ERCC5: variants seen among roughly 807,000 people sequenced by gnomAD.
The protein encoded by ERCC5 is ERCC excision repair 5, endonuclease, also known as DNA excision repair protein ERCC-5.
ERCC5 carries 68 observed loss-of-function variants against 105.6 expected under a neutral mutation model. That is an observed-to-expected ratio of 0.64 (90% CI 0.53 to 0.79). The LOEUF (loss-of-function observed/expected upper bound fraction) is 0.79. ERCC5 is among the 30% of genes least tolerant of loss of function. The pLI is 0.00. For synonymous variants in ERCC5, 546 were observed against 526.2 expected (o/e 1.04, Z -0.51); for missense variants, 1,373 against 1,426.7 (o/e 0.96, Z 0.61).
intron 1 of ERCC5, among the ~76,000 whole-genome samples, chr13:102,850,567 C>T (rs1231721117): frequency 6.6e-6 from 1 of 152,024 alleles, no homozygotes; most frequent in East Asian, 1.9e-4. Flanking sequence ...TATATACCTT[C>T]AAGATACATT....
intron 8 of ERCC5, chr13:102,864,995 C>T (rs1467497928): frequency 1.3e-5 from 2 of 153,958 alleles, no homozygotes; most frequent in Non-Finnish European, 2.9e-5. Flanking sequence ...CTTATTCTCC[C>T]TGGATATGTA....
chr13:102,873,794 G>A (rs1462147940), intron 14 of ERCC5, among the ~76,000 whole-genome samples: 11 of 152,060 alleles, frequency 7.2e-5, no homozygotes, highest in African/African-American at 2.4e-4. Flanking sequence ...GGTTTTTGTG[G>A]GAAGGAGCCC....
chr13:102,855,937 C>G (rs982930229), intron 4 of ERCC5, 115 bp from the exon 5 acceptor site: 1 of 1,002,830 alleles, frequency 1.0e-6, no homozygotes, highest in Non-Finnish European at 1.6e-6. Context: ...TGGCACAGAT[C>G]TTGCTGTTTT....
chr13:102,852,674 C>T (rs1882251258), intron 2 of ERCC5, among the ~76,000 whole-genome samples: 1 of 152,178 alleles, frequency 6.6e-6, no homozygotes, highest in African/African-American at 2.4e-5. Context: ...CAAGTATCCT[C>T]CGTGATAGCA....
At position 102,853,609 on chromosome 13, in the gene ERCC5, A is replaced by G. The variant is rs186869080; in HGVS notation, c.265-148A>G. ...CTTTACGTAGCAGCAACCTGAAGAT[A>G]TACACTGATATGGCAATTAGGAGGA... On this transcript the variant is annotated intron_variant, in intron 2 of 14. Coordinates refer to ENST00000652225, the MANE Select transcript of ERCC5 (RefSeq NM_000123.4). 2.3e-5 allele frequency: 17 copies of G among 749,072 alleles called. No homozygotes were observed. The African/African-American group carries it at 3.0e-4, about 13-fold the overall frequency. 46.4% of individuals were successfully genotyped at this position (749,072 alleles called of 1,614,324 possible). A position where few individuals can be genotyped will look rare whatever the true frequency, so the allele number is the denominator to read the frequency against.
chr13:102,860,880 T>G (rs191317888), intron 6 of ERCC5, among the ~76,000 whole-genome samples: 2 of 152,336 alleles, frequency 1.3e-5, no homozygotes, highest in Admixed American at 1.3e-4. Flanking sequence ...TTTACCTACA[T>G]TCTAGAAGAT....
At chr13:102,866,018 C>G in intron 9 of ERCC5, 107 bp downstream of exon 9, 1 of 1,596,648 alleles carries the variant, frequency 6.3e-7, no homozygotes, top group Non-Finnish European at 8.6e-7. Flanking sequence ...ATTTGCAGTA[C>G]ATCTTGTGGT....
At position 102,865,751 on chromosome 13, in the gene ERCC5, A is replaced by G. The variant is rs4987168; in HGVS notation, c.2039A>G (p.Gln680Arg). Residue 680 changes from glutamine (Q) to arginine (R), a missense_variant, in exon 9 of 15, where the codon CAA becomes CGA. Coordinates refer to ENST00000652225, the MANE Select transcript of ERCC5 (RefSeq NM_000123.4). This position sits in a 1 kb window ranked among gnomAD's most constrained non-coding sequence, Gnocchi z 4.0. ...GAAACTTCCAAACCTCCCTCAGAAC[A>G]AGGCGAAGAGGAACTGGTAGGAACT... is the stretch of plus-strand genomic sequence containing the variant. ...FPETSKPPSE[Q>R]GEEELVGTRE... is the part of the protein sequence containing the mutation. 46 of 1,614,080 alleles carry G rather than the reference A, an allele frequency of 2.8e-5. No homozygotes were observed. The African/African-American group carries it at 6.0e-4, about 21-fold the overall frequency.
chr13:102,873,253 A>G lies in ERCC5; in HGVS notation c.2880-6A>G. 6.2e-7 allele frequency: 1 copy of G among 1,614,122 alleles called. No individual in the cohort carries two copies. The highest frequency in any genetic ancestry group is 8.5e-7 in the Non-Finnish European group (1 of 1,180,002). Reference sequence around the variant, plus strand: ...CAAAATATTTATAAGTCTTAACTGCATGCATATTTTGTCAGCGGTATTTCG... The same window carrying G: ...CAAAATATTTATAAGTCTTAACTGCGTGCATATTTTGTCAGCGGTATTTCG... On this transcript the variant is annotated splice_polypyrimidine_tract_variant and splice_region_variant and intron_variant, in intron 13 of 14. Transcript: ENST00000652225.
rs1882659409 is a variant in ERCC5, at chr13:102,862,338, G to A, written c.1189G>A (p.Asp397Asn). The A allele has an allele frequency of 2.5e-6, 4 of 1,614,134 alleles. No homozygotes were observed. Among genetic ancestry groups the A allele is most frequent in the African/African-American group, 2.7e-5 (2 of 75,018 alleles). Residue 397 changes from aspartate (D) to asparagine (N), a missense_variant, in exon 8 of 15, where the codon GAT becomes AAT. Asp to Asn is a conservative substitution (Grantham distance 23). Around this residue, in one of 3 missense-constraint regions of ERCC5, gnomAD observed 1,004 missense variants for 1,059.7 expected, o/e 0.95. Coordinates refer to ENST00000652225, the MANE Select transcript of ERCC5 (RefSeq NM_000123.4). Reference sequence around the variant, plus strand: ...TTCAGCCATTAAGAGAGCTCTTGACGATGACGAAGATGTAAAAGTGTGTGC... The same window carrying A: ...TTCAGCCATTAAGAGAGCTCTTGACAATGACGAAGATGTAAAAGTGTGTGC... ...TLSAIKRALD[D>N]DEDVKVCAGD...
In ERCC5 at chr13:102,854,012, AT is replaced by A. The variant is rs5806326; in HGVS notation, c.380+144del. On this transcript the variant is annotated intron_variant, in intron 3 of 14. Transcript: ENST00000652225. ...AGTGAAATGAGACAAGTAGGCTGCCATTTTGACCTGGTAATTTGGAGTTGTG... is the reference window on the plus strand; with the variant it reads ...AGTGAAATGAGACAAGTAGGCTGCCATTTGACCTGGTAATTTGGAGTTGTG... 829,767 of 830,390 alleles carry A rather than the reference AT, an allele frequency of 1. 414,573 individuals carry two copies. The highest frequency in any genetic ancestry group is 1 in the Middle Eastern group (2,818 of 2,818). The allele number at this position is 830,390 out of a possible 1,614,324, so 51.4% of individuals were successfully genotyped here. A position where few individuals can be genotyped will look rare whatever the true frequency, so the allele number is the denominator to read the frequency against.
intron 10 of ERCC5, 84 bp from the exon 11 acceptor site, chr13:102,866,548 T>A: frequency 6.2e-7 from 1 of 1,600,292 alleles, no homozygotes; most frequent in Non-Finnish European, 8.5e-7. Flanking sequence ...ATGCATTACA[T>A]GAAGTGGTAG....
At chr13:102,868,295 A>G in intron 12 of ERCC5, 38 bp downstream of exon 12, 1 of 1,613,050 alleles carries the variant, frequency 6.2e-7, no homozygotes, top group Non-Finnish European at 8.5e-7. Flanking sequence ...ATAATTGTGT[A>G]AATACCCAAA....
intron 2 of ERCC5, among the ~76,000 whole-genome samples, chr13:102,852,938 G>T (rs910778744): frequency 2.0e-5 from 3 of 152,048 alleles, no homozygotes; most frequent in Non-Finnish European, 4.4e-5. Flanking sequence ...ATAAAATAAT[G>T]TTTAAACAGT....
In ERCC5 at chr13:102,865,938, T is replaced by C. The variant is rs775824426; in HGVS notation, c.2199+27T>C. On this transcript the variant is annotated intron_variant, in intron 9 of 14. Transcript: ENST00000652225. This position sits in a 1 kb window ranked among gnomAD's most constrained non-coding sequence, Gnocchi z 4.0. ...TAATACCGTAACATTGTGTTTCGAC[T>C]TCTTGCTGAGGAAGCCAGGTTAAGT... 2.5e-6 allele frequency: 4 copies of C among 1,613,966 alleles called. No individual in the cohort carries two copies. The highest frequency in any genetic ancestry group is 3.4e-6 in the Non-Finnish European group (4 of 1,180,028).
rs777750400 is a variant in ERCC5 at position 102,866,259 on chromosome 13, T to C, written c.2200-3T>C. 1.2e-6 allele frequency: 2 copies of C among 1,614,136 alleles called. No individual in the cohort carries two copies. The highest frequency in any genetic ancestry group is 1.7e-5 in the Admixed American group (1 of 60,016). On this transcript the variant is annotated splice_polypyrimidine_tract_variant and splice_region_variant and intron_variant, in intron 9 of 14. Coordinates refer to ENST00000652225, the MANE Select transcript of ERCC5 (RefSeq NM_000123.4). ...AATCTATAAATGAAAAAACATTTTA[T>C]AGGAGGAGTTGGAAACTCTGGAGAG...
rs1882619379 is a variant in ERCC5, at chr13:102,861,582, GTCCAAAAGGA to G, written c.749_758del (p.Val250GlufsTer2). 2.5e-6 allele frequency: 4 copies of G among 1,614,148 alleles called. No individual in the cohort carries two copies. The highest frequency in any genetic ancestry group is 3.4e-6 in the Non-Finnish European group (4 of 1,180,024). Reference sequence around the variant, plus strand: ...CTATCTGAACCAGCATATAGAACATGTCCAAAAGGAAATGAATCAGCAACATTCAGGACAC... The same window carrying G: ...CTATCTGAACCAGCATATAGAACATGAATGAATCAGCAACATTCAGGACAC... On this transcript the variant is annotated frameshift_variant, in exon 7 of 15. Transcript: ENST00000652225. LOFTEE classifies it high-confidence loss of function.
At chr13:102,849,048 AGT>A in intron 1 of ERCC5, 1 of 449,152 alleles carries the variant, frequency 2.2e-6, no homozygotes, top group Non-Finnish European at 4.5e-6. Context: ...CTGAAGTTAA[AGT>A]TTAAAGTAGT....
At chr13:102,854,166 T>C in intron 3 of ERCC5, 122 bp from the exon 4 acceptor site, 1 of 1,099,264 alleles carries the variant, frequency 9.1e-7, no homozygotes, top group South Asian at 1.3e-5. Context: ...CCAAGGTTCC[T>C]TCCTTTCTCT....
Sources: gnomAD v4.1 joint callset for allele counts (sites outside exome capture counted in the v4.1 genomes callset) on GRCh38, gnomAD v4.1.1 for gene constraint, gnomAD v4.1.1 regional missense constraint, Gnocchi (gnomAD v3.1) non-coding constraint, MANE v1.5 for transcripts, NCBI Gene and HGNC (gene_info 2026-07-23, HGNC 2026-07-21) for gene names.